LRFN2: variants seen among roughly 807,000 people sequenced by gnomAD.
LRFN2 encodes the protein leucine rich repeat and fibronectin type III domain containing 2, also known as leucine-rich repeat and fibronectin type-III domain-containing protein 2.
In LRFN2, 18 loss-of-function variants were observed where a neutral mutation model predicts 37.3. The observed-to-expected ratio is 0.48, with a 90% CI of 0.33 to 0.72. The LOEUF (loss-of-function observed/expected upper bound fraction) is 0.72. LRFN2 is among the 30% of genes least tolerant of loss of function. LRFN2 has a pLI of 0.02. For missense variants in LRFN2, 1,006 were observed against 1,060.7 expected (o/e 0.95, Z 0.72); for synonymous variants, 556 against 466.6 (o/e 1.19, Z -2.47).
At chr6:40,423,419 C>T (rs1763275204) in intron 2 of LRFN2, among the ~76,000 whole-genome samples, 1 of 152,184 alleles carries the variant, frequency 6.6e-6, no homozygotes, top group South Asian at 2.1e-4. Context: ...CAGTATGCCG[C>T]TGTTAACTAT....
chr6:40,570,164 C>G (rs892242623), intron 1 of LRFN2, among the ~76,000 whole-genome samples: 1 of 152,192 alleles, frequency 6.6e-6, no homozygotes, highest in African/African-American at 2.4e-5. Flanking sequence ...TCACCATTCT[C>G]TCTCTAACCA....
rs1323837370 is a variant in LRFN2, at chr6:40,432,652, C to G, written c.462G>C (p.Leu154=). The G allele has an allele frequency of 1.9e-6, 3 of 1,614,164 alleles. No homozygotes were observed. The highest frequency in any genetic ancestry group is 3.3e-5 in the Admixed American group (2 of 60,022). Residue 154 remains leucine, a synonymous_variant, in exon 2 of 3, where the codon CTG becomes CTC. Coordinates refer to ENST00000338305, the MANE Select transcript of LRFN2 (RefSeq NM_020737.3). The stretch of plus-strand genomic sequence containing the variant: ...CATGGAGGTTGTTGTAGGAGAGGTC[C>G]AGATCCTCCAATGTCAGCAGGAAGT... ...FEDFLLTLED[L]DLSYNNLHGL...
At chr6:40,584,827 T>C (rs1002760628) in intron 1 of LRFN2, among the ~76,000 whole-genome samples, 1 of 151,856 alleles carries the variant, frequency 6.6e-6, no homozygotes, top group Admixed American at 6.6e-5. Context: ...TTTTTTTTTT[T>C]CCTTTGGAGC....
intron 1 of LRFN2, among the ~76,000 whole-genome samples, chr6:40,517,683 A>G (rs928455017): frequency 6.6e-6 from 1 of 152,190 alleles, no homozygotes; most frequent in Non-Finnish European, 1.5e-5. Flanking sequence ...AGGCAGGCTT[A>G]TTTCAGTATC....
chr6:40,463,998 C>A (rs1764404117), intron 1 of LRFN2, among the ~76,000 whole-genome samples: 1 of 152,172 alleles, frequency 6.6e-6, no homozygotes, highest in Admixed American at 6.5e-5. Context: ...CTGGCCAACT[C>A]CTAATGTCCT....
intron 1 of LRFN2, among the ~76,000 whole-genome samples, chr6:40,569,110 G>A (rs2113793446): frequency 6.6e-6 from 1 of 152,300 alleles, no homozygotes; most frequent in Admixed American, 6.5e-5. Flanking sequence ...GCTTCATGTG[G>A]GAAGAAAATT....
chr6:40,482,442 C>T (rs980397174), intron 1 of LRFN2, among the ~76,000 whole-genome samples: 8 of 152,174 alleles, frequency 5.3e-5, no homozygotes, highest in Non-Finnish European at 7.4e-5. Context: ...CACATCCTCC[C>T]CTTGGGGGAA....
intron 1 of LRFN2, among the ~76,000 whole-genome samples, chr6:40,483,908 C>T (rs1353493223): frequency 6.6e-6 from 1 of 152,204 alleles, no homozygotes; most frequent in Admixed American, 6.5e-5. Flanking sequence ...CTGCCCACCA[C>T]ATCATCCTCC....
At chr6:40,581,405 C>T (rs778477846) in intron 1 of LRFN2, among the ~76,000 whole-genome samples, 11 of 152,168 alleles carry the variant, frequency 7.2e-5, no homozygotes, top group Admixed American at 2.6e-4. Context: ...CAGCAAGTTA[C>T]GGGCAGAGCT....
chr6:40,406,833 T>C (rs1762859089), intron 2 of LRFN2, among the ~76,000 whole-genome samples: 2 of 152,348 alleles, frequency 1.3e-5, no homozygotes, highest in South Asian at 4.1e-4. Context: ...CTCCAACCAT[T>C]TCCTCATAGC....
chr6:40,583,357 C>T (rs907516154), intron 1 of LRFN2, among the ~76,000 whole-genome samples: 8 of 151,346 alleles, frequency 5.3e-5, no homozygotes, highest in African/African-American at 1.9e-4. Context: ...TGTTACCAGT[C>T]CCACCCAATT....
chr6:40,393,054 G>C (rs1189557417), intron 2 of LRFN2, 142 bp from the exon 3 acceptor site: 5 of 710,286 alleles, frequency 7.0e-6, no homozygotes, highest in Admixed American at 2.8e-5. Flanking sequence ...GGGACACAGA[G>C]AGAATGGGGC....
chr6:40,572,733 G>A (rs767604635), intron 1 of LRFN2, among the ~76,000 whole-genome samples: 15 of 152,206 alleles, frequency 9.9e-5, no homozygotes, highest in Non-Finnish European at 2.2e-4. Flanking sequence ...GGAGAATGCA[G>A]CCTTTTCTAT....
chr6:40,563,355 G>A (rs903125869), intron 1 of LRFN2, among the ~76,000 whole-genome samples: 1 of 152,160 alleles, frequency 6.6e-6, no homozygotes, highest in African/African-American at 2.4e-5. Flanking sequence ...CTCCTCTGGG[G>A]GGCCCTCCAG....
intron 1 of LRFN2, among the ~76,000 whole-genome samples, chr6:40,445,243 A>G (rs962104632): frequency 1.5e-4 from 23 of 152,254 alleles, no homozygotes; most frequent in African/African-American, 5.1e-4. Flanking sequence ...CATTTAAGCC[A>G]TTCAATAATG....
Position 40,392,310 on chromosome 6 carries a change from T to A in LRFN2, c.2003A>T (p.Gln668Leu), listed in dbSNP as rs1762523510. The A allele has an allele frequency of 4.3e-6, 7 of 1,610,788 alleles. No homozygotes were observed. Among genetic ancestry groups the A allele is most frequent in the Non-Finnish European group, 5.9e-6 (7 of 1,178,876 alleles). The part of the protein sequence containing the change: ...GAFASLDLKS[Q>L]RKEELLDSRT... Reference sequence around the variant, plus strand: ...GGAGTCCAGCAGCTCCTCCTTTCTCTGACTCTTGAGGTCCAGGGAGGCGAA... The same window carrying A: ...GGAGTCCAGCAGCTCCTCCTTTCTCAGACTCTTGAGGTCCAGGGAGGCGAA... Residue 668 changes from glutamine to leucine, a missense_variant, in exon 3 of 3, where the codon CAG (glutamine) becomes CTG (leucine). By Grantham distance (113) the Gln-to-Leu change is moderately radical. This residue lies in a region of LRFN2 where 398 missense variants were observed against 327.6 expected (regional missense o/e 1.21). Coordinates refer to ENST00000338305, the MANE Select transcript of LRFN2 (RefSeq NM_020737.3). This position sits in a 1 kb window ranked among gnomAD's most constrained non-coding sequence, Gnocchi z 4.7.
intron 2 of LRFN2, among the ~76,000 whole-genome samples, chr6:40,427,834 C>G (rs1285088338): frequency 6.6e-6 from 1 of 152,232 alleles, no homozygotes; most frequent in East Asian, 1.9e-4. Context: ...ACCTCATCTA[C>G]TTGCTCCTTT....
chr6:40,565,892 A>C (rs1767080610), intron 1 of LRFN2, among the ~76,000 whole-genome samples: 1 of 152,016 alleles, frequency 6.6e-6, no homozygotes, highest in Non-Finnish European at 1.5e-5. Flanking sequence ...AATGGGATCT[A>C]ATTAAACTAA....
At chr6:40,410,799 T>C (rs1223619297) in intron 2 of LRFN2, among the ~76,000 whole-genome samples, 5 of 152,214 alleles carry the variant, frequency 3.3e-5, no homozygotes, top group Non-Finnish European at 7.3e-5. Context: ...CTCTGCCAGA[T>C]GGGCAGAGGA....
Sources: gnomAD v4.1 joint callset for allele counts (sites outside exome capture counted in the v4.1 genomes callset) on GRCh38, gnomAD v4.1.1 for gene constraint, gnomAD v4.1.1 regional missense constraint, Gnocchi (gnomAD v3.1) non-coding constraint, MANE v1.5 for transcripts, NCBI Gene and HGNC (gene_info 2026-07-23, HGNC 2026-07-21) for gene names.